Variants in NPAS3 observed in about 807,000 individuals in gnomAD.
NPAS3 encodes neuronal PAS domain-containing protein 3.
In NPAS3, 14 loss-of-function variants were observed where a neutral mutation model predicts 73.1. The observed-to-expected ratio is 0.19, with a 90% confidence interval of 0.13 to 0.30. The LOEUF (loss-of-function observed/expected upper bound fraction) is 0.30, where lower values mean the gene tolerates loss of function less well. NPAS3 is among the 10% of genes least tolerant of loss of function. The probability of loss-of-function intolerance (pLI) is 1.00; values close to 1 mark genes in which losing one functional copy is unlikely to be tolerated. For missense variants in NPAS3, 1,096 were observed against 1,250.0 expected, an observed-to-expected ratio of 0.88 and a Z score of 1.86; for synonymous variants, 620 against 541.5, an observed-to-expected ratio of 1.14 and a Z score of -2.01.
intron 6 of NPAS3, among the ~76,000 whole-genome samples, chr14:33,688,778 C>G (rs994097391): frequency 6.6e-6 from 1 of 152,180 alleles, no homozygotes; most frequent in South Asian, 2.1e-4. Flanking sequence ...CCTACCTATT[C>G]TTCATTTACA....
At chr14:33,323,167 T>G (rs2043536151) in intron 3 of NPAS3, among the ~76,000 whole-genome samples, 1 of 152,192 alleles carries the variant, frequency 6.6e-6, no homozygotes, top group African/African-American at 2.4e-5. Flanking sequence ...TCGCCAAGAC[T>G]ATTCACCCAA....
chr14:33,279,634 A>G (rs1274630777), intron 3 of NPAS3, among the ~76,000 whole-genome samples: 1 of 152,276 alleles, frequency 6.6e-6, no homozygotes, highest in East Asian at 1.9e-4. Flanking sequence ...GGTGATTCCT[A>G]TCACCTTTTC....
chr14:33,796,964 T>A (rs2063530255), intron 10 of NPAS3, among the ~76,000 whole-genome samples: 1 of 151,936 alleles, frequency 6.6e-6, no homozygotes, highest in Non-Finnish European at 1.5e-5. Context: ...TGTGCATCTG[T>A]CAGATAGGCA....
intron 7 of NPAS3, among the ~76,000 whole-genome samples, chr14:33,744,119 T>C (rs57379148): frequency 0.15 from 22,079 of 152,248 alleles, 3,722 homozygotes; most frequent in African/African-American, 0.41. Flanking sequence ...TTGCATTCAC[T>C]GGTTGGCTAA....
chr14:33,168,422 A>G (rs561274745), intron 2 of NPAS3, among the ~76,000 whole-genome samples: 1 of 152,314 alleles, frequency 6.6e-6, no homozygotes, highest in Non-Finnish European at 1.5e-5. Flanking sequence ...AGATGGAACA[A>G]TTCAACCAAA....
chr14:33,414,793 G>A (rs1157267309), intron 4 of NPAS3, among the ~76,000 whole-genome samples: 1 of 152,156 alleles, frequency 6.6e-6, no homozygotes, highest in African/African-American at 2.4e-5. Flanking sequence ...AGGGTGGTTT[G>A]ATTCTGTCAC....
chr14:33,283,461 A>G (rs971390662), intron 3 of NPAS3, among the ~76,000 whole-genome samples: 1 of 152,218 alleles, frequency 6.6e-6, no homozygotes. Flanking sequence ...TGCTATCACT[A>G]TCAATTTATG....
intron 9 of NPAS3, among the ~76,000 whole-genome samples, chr14:33,783,700 C>T (rs1188260636): frequency 1.3e-5 from 2 of 152,098 alleles, no homozygotes; most frequent in Non-Finnish European, 2.9e-5. Flanking sequence ...GGTTGAGCTC[C>T]AGCGGCGCAT....
At chr14:32,974,733 T>C (rs1036166879) in intron 1 of NPAS3, among the ~76,000 whole-genome samples, 3 of 152,152 alleles carry the variant, frequency 2.0e-5, no homozygotes, top group Non-Finnish European at 4.4e-5. Context: ...CCAGCCACTT[T>C]CTTACTTTTT....
At chr14:33,122,614 T>G (rs1229483018) in intron 2 of NPAS3, among the ~76,000 whole-genome samples, 1 of 152,108 alleles carries the variant, frequency 6.6e-6, no homozygotes, top group East Asian at 1.9e-4. Flanking sequence ...GTTCCCACCT[T>G]CATGTTGTGA....
At chr14:33,694,337 G>A (rs576395223) in intron 6 of NPAS3, among the ~76,000 whole-genome samples, 27 of 152,286 alleles carry the variant, frequency 1.8e-4, no homozygotes, top group African/African-American at 6.5e-4. Flanking sequence ...TCTAAGGAGA[G>A]CTGTGCTGAT....
chr14:33,323,961 T>G (rs60803262), intron 3 of NPAS3, among the ~76,000 whole-genome samples: 3,889 of 152,338 alleles, frequency 0.026, 154 homozygotes, highest in African/African-American at 0.088. Flanking sequence ...TCATTTATAC[T>G]GAGAATAATT....
intron 2 of NPAS3, among the ~76,000 whole-genome samples, chr14:33,160,894 A>G (rs1042548142): frequency 6.6e-6 from 1 of 152,138 alleles, no homozygotes; most frequent in Admixed American, 6.5e-5. Flanking sequence ...AGTTTCTCCA[A>G]CTGATGTGTT....
intron 4 of NPAS3, among the ~76,000 whole-genome samples, chr14:33,448,199 G>T (rs921825239): frequency 2.0e-5 from 3 of 152,196 alleles, no homozygotes; most frequent in Non-Finnish European, 4.4e-5. Context: ...TAGAGATACA[G>T]ATTTGAACAT....
rs572493848 is a variant in NPAS3, at chr14:33,296,331, T to C, written c.386-70855T>C. 7.3e-4 allele frequency among the ~76,000 whole-genome samples: 111 copies of C among 152,344 alleles called. No individual in the cohort carries two copies. In the South Asian group the frequency reaches 0.022, roughly 31 times the overall value. ...TTCAGTATGTGTACATGTACACACA[T>C]CTACCCCAATAAACACACATACACG... On this transcript the variant is annotated intron_variant, in intron 3 of 11. Transcript: ENST00000356141.
At chr14:33,680,683 A>C (rs951453937) in intron 6 of NPAS3, 4 of 701,270 alleles carry the variant, frequency 5.7e-6, no homozygotes, top group African/African-American at 5.2e-5. Context: ...CCTACTTCAG[A>C]GAGAACTCAG....
intron 4 of NPAS3, among the ~76,000 whole-genome samples, chr14:33,483,808 C>T (rs74883747): frequency 0.044 from 6,753 of 152,300 alleles, 178 homozygotes; most frequent in Middle Eastern, 0.075. Context: ...CTTTTCTCCA[C>T]CCAAAGTCAG....
At chr14:33,159,145 GGAGA>G (rs1173555638) in intron 2 of NPAS3, among the ~76,000 whole-genome samples, 3 of 152,024 alleles carry the variant, frequency 2.0e-5, no homozygotes, top group Admixed American at 6.6e-5. Flanking sequence ...CTGGGCAACA[GGAGA>G]GAGACTCCAT....
intron 5 of NPAS3, among the ~76,000 whole-genome samples, chr14:33,650,922 T>C (rs2058974698): frequency 6.6e-6 from 1 of 152,120 alleles, no homozygotes; most frequent in Non-Finnish European, 1.5e-5. Flanking sequence ...TGATGCCCAT[T>C]GTAGGTCTGA....
Sources: gnomAD v4.1 joint callset for allele counts (sites outside exome capture counted in the v4.1 genomes callset) on GRCh38, gnomAD v4.1.1 for gene constraint, MANE v1.5 for transcripts, NCBI Gene and HGNC (gene_info 2026-07-23, HGNC 2026-07-21) for gene names.